Variants in NEK11 observed in about 807,000 individuals in gnomAD.
NEK11 encodes serine/threonine-protein kinase Nek11.
In NEK11, 72 loss-of-function variants were observed where a neutral mutation model predicts 80.7. That is an observed-to-expected ratio of 0.89 (90% CI 0.74 to 1.08). The LOEUF is 1.08. NEK11 is among the 50% of genes least tolerant of loss of function. The pLI is 0.00. For synonymous variants in NEK11, 251 were observed against 260.7 expected (o/e 0.96, Z 0.36); for missense variants, 764 against 763.6 (o/e 1.00, Z -0.01).
At chr3:131,075,239 AGCAGT>A (rs1439752823) in intron 3 of NEK11, among the ~76,000 whole-genome samples, 1 of 152,206 alleles carries the variant, frequency 6.6e-6, no homozygotes, top group Non-Finnish European at 1.5e-5. Context: ...AAAAACAAAA[AGCAGT>A]GCATATTGTG....
intron 14 of NEK11, among the ~76,000 whole-genome samples, chr3:131,181,208 G>T (rs1177863873): frequency 6.6e-6 from 1 of 152,232 alleles, no homozygotes; most frequent in Admixed American, 6.5e-5. Flanking sequence ...AAGTAGAAGA[G>T]GGAGGCAGAC....
intron 7 of NEK11, among the ~76,000 whole-genome samples, chr3:131,149,669 A>C (rs577516989): frequency 6.6e-6 from 1 of 152,070 alleles, no homozygotes; most frequent in East Asian, 1.9e-4. Flanking sequence ...AAACATGTTT[A>C]TAATGTCATC....
chr3:131,315,599 G>GT (rs1247963572), intron 17 of NEK11, among the ~76,000 whole-genome samples: 1 of 151,162 alleles, frequency 6.6e-6, no homozygotes, highest in Admixed American at 6.6e-5. Context: ...GGATGTGCAG[G>GT]TTTGTTACAC....
intron 15 of NEK11, among the ~76,000 whole-genome samples, chr3:131,231,241 G>A (rs1288173947): frequency 7.0e-6 from 1 of 143,852 alleles, no homozygotes. Context: ...TCGCTCTGTT[G>A]CCCAGACTGG....
intron 15 of NEK11, among the ~76,000 whole-genome samples, chr3:131,234,141 G>A (rs1260615666): frequency 6.6e-6 from 1 of 152,204 alleles, no homozygotes; most frequent in African/African-American, 2.4e-5. Context: ...CAGAATGACT[G>A]TGCTATGTAC....
chr3:131,231,982 G>C (rs569081263), intron 15 of NEK11, among the ~76,000 whole-genome samples: 1 of 152,296 alleles, frequency 6.6e-6, no homozygotes, highest in East Asian at 1.9e-4. Flanking sequence ...GGACTTCATT[G>C]AGATTGATTA....
chr3:131,331,872 G>T (rs371064501), intron 17 of NEK11, among the ~76,000 whole-genome samples: 90 of 152,302 alleles, frequency 5.9e-4, no homozygotes, highest in African/African-American at 2.0e-3. Context: ...CTAGCACAGC[G>T]GTCTGAGATC....
At chr3:131,332,333 C>T (rs1306687139) in intron 17 of NEK11, among the ~76,000 whole-genome samples, 5 of 152,314 alleles carry the variant, frequency 3.3e-5, no homozygotes, top group Admixed American at 2.0e-4. Flanking sequence ...CTGCAGCCAC[C>T]GCTGCTGTTA....
chr3:131,075,783 A>C (rs1372898285), intron 3 of NEK11, among the ~76,000 whole-genome samples: 2 of 152,210 alleles, frequency 1.3e-5, no homozygotes, highest in Non-Finnish European at 2.9e-5. Context: ...TCTGTGATGC[A>C]TAATTGCACT....
At chr3:131,288,425 T>G (rs565683686) in intron 17 of NEK11, among the ~76,000 whole-genome samples, 1 of 144,352 alleles carries the variant, frequency 6.9e-6, no homozygotes, top group East Asian at 2.0e-4. Flanking sequence ...TCTTCGAAGA[T>G]TATATGGTAT....
At chr3:131,324,549 C>G (rs2109833840) in intron 17 of NEK11, among the ~76,000 whole-genome samples, 2 of 152,214 alleles carry the variant, frequency 1.3e-5, no homozygotes, top group Admixed American at 1.3e-4. Context: ...TTCAGTAAAG[C>G]TGTGGTGAAA....
At chr3:131,281,062 C>T (rs768656102) in intron 17 of NEK11, among the ~76,000 whole-genome samples, 8 of 152,222 alleles carry the variant, frequency 5.3e-5, no homozygotes, top group East Asian at 1.9e-4. Flanking sequence ...CTCACATGCA[C>T]GTGCTGGTCT....
At chr3:131,092,185 C>T (rs954255998) in intron 4 of NEK11, among the ~76,000 whole-genome samples, 2 of 152,250 alleles carry the variant, frequency 1.3e-5, no homozygotes, top group Non-Finnish European at 2.9e-5. Context: ...CTTTTTTGGT[C>T]TTGGTATGAA....
chr3:131,031,246 G>A (rs1257686138), intron 3 of NEK11, among the ~76,000 whole-genome samples: 2 of 152,186 alleles, frequency 1.3e-5, no homozygotes, highest in Non-Finnish European at 2.9e-5. Flanking sequence ...ATTTCTACAT[G>A]AGGGATGATA....
At chr3:131,170,710 C>T in intron 13 of NEK11, 63 bp from the exon 14 acceptor site, 15 of 975,546 alleles carry the variant, frequency 1.5e-5, no homozygotes, top group Admixed American at 1.3e-4. Context: ...ATATTTTTTT[C>T]ATTTGTGGTA....
intron 17 of NEK11, among the ~76,000 whole-genome samples, chr3:131,333,477 T>C (rs2097129413): frequency 6.6e-6 from 1 of 151,932 alleles, no homozygotes; most frequent in Non-Finnish European, 1.5e-5. Context: ...GCACTAAACA[T>C]GGAAAGGAAC....
At chr3:131,186,434 T>C (rs1326022346) in intron 14 of NEK11, among the ~76,000 whole-genome samples, 2 of 152,112 alleles carry the variant, frequency 1.3e-5, no homozygotes, top group Non-Finnish European at 2.9e-5. Context: ...TACAAATGTG[T>C]ATCAAGATAA....
At chr3:131,043,755 T>C (rs1403034764) in intron 3 of NEK11, among the ~76,000 whole-genome samples, 1 of 151,994 alleles carries the variant, frequency 6.6e-6, no homozygotes, top group Admixed American at 6.6e-5. Flanking sequence ...ATTCAGGAAA[T>C]ACAGAGAACA....
intron 14 of NEK11, among the ~76,000 whole-genome samples, chr3:131,203,933 T>C (rs1004612219): frequency 6.6e-6 from 1 of 151,104 alleles, no homozygotes; most frequent in Non-Finnish European, 1.5e-5. Flanking sequence ...TCACCTACAA[T>C]AGAACTCTAA....
Sources: gnomAD v4.1 joint callset for allele counts (sites outside exome capture counted in the v4.1 genomes callset) on GRCh38, gnomAD v4.1.1 for gene constraint, MANE v1.5 for transcripts, NCBI Gene and HGNC (gene_info 2026-07-23, HGNC 2026-07-21) for gene names.